PITPNC1: variants seen among roughly 807,000 people sequenced by gnomAD.
PITPNC1 encodes the protein cytoplasmic phosphatidylinositol transfer protein 1.
In PITPNC1, 18 loss-of-function variants were observed where a neutral mutation model predicts 44.7. The observed-to-expected ratio is 0.40, with a 90% CI of 0.28 to 0.60. The LOEUF (loss-of-function observed/expected upper bound fraction) is 0.60, where lower values mean the gene tolerates loss of function less well. Ranked by LOEUF, PITPNC1 falls within the 20% of genes least tolerant of loss-of-function variation. PITPNC1 has a pLI of 0.39. For synonymous variants in PITPNC1, 141 were observed against 149.6 expected (o/e 0.94, Z 0.42); for missense variants, 290 against 418.4 (o/e 0.69, Z 2.68).
At chr17:67,395,598 C>A (rs549695977) in intron 1 of PITPNC1, among the ~76,000 whole-genome samples, 3 of 152,280 alleles carry the variant, frequency 2.0e-5, no homozygotes, top group African/African-American at 2.4e-5. Flanking sequence ...TTTTCCCTGA[C>A]TTAAAATAAT....
intron 1 of PITPNC1, among the ~76,000 whole-genome samples, chr17:67,451,178 C>T (rs1240721497): frequency 1.3e-5 from 2 of 151,912 alleles, no homozygotes; most frequent in East Asian, 3.9e-4. Context: ...ACTACACGCG[C>T]GCGCCATCAC....
chr17:67,411,116 T>C (rs907033920), intron 1 of PITPNC1, among the ~76,000 whole-genome samples: 4 of 151,002 alleles, frequency 2.6e-5, no homozygotes, highest in Admixed American at 6.6e-5. Context: ...GTTTACAGAA[T>C]TGGGTATGAA....
intron 1 of PITPNC1, among the ~76,000 whole-genome samples, chr17:67,419,162 G>A (rs922978874): frequency 8.2e-6 from 1 of 121,440 alleles, no homozygotes; most frequent in Non-Finnish European, 1.8e-5. Flanking sequence ...GGGGGAGAAG[G>A]AGGAAGGGAG....
At chr17:67,383,103 C>G (rs1325091071) in intron 1 of PITPNC1, among the ~76,000 whole-genome samples, 1 of 151,942 alleles carries the variant, frequency 6.6e-6, no homozygotes, top group African/African-American at 2.4e-5. Context: ...TCAAGAGATT[C>G]TCCTGCCTCA....
intron 1 of PITPNC1, among the ~76,000 whole-genome samples, chr17:67,499,494 G>A (rs2040000078): frequency 6.6e-6 from 1 of 152,212 alleles, no homozygotes; most frequent in Admixed American, 6.5e-5. Context: ...TGGGATTATA[G>A]GCATGAGCCA....
In PITPNC1 at chr17:67,587,049, G is replaced by C. The variant is rs115898544; in HGVS notation, c.366+8792G>C. On this transcript the variant is annotated intron_variant, in intron 5 of 8. Transcript: ENST00000581322. ...ATCTCAGGCTTTCTAGCTCTGCCTAGTGGGCCTGGGTAAGTGGTGGTGCCA... is the reference window on the plus strand; with the variant it reads ...ATCTCAGGCTTTCTAGCTCTGCCTACTGGGCCTGGGTAAGTGGTGGTGCCA... Among the ~76,000 whole-genome samples the C allele has an allele frequency of 8.4e-3, 1,274 of 152,314 alleles. 16 individuals carry two copies. The highest frequency in any genetic ancestry group is 0.029 in the African/African-American group (1,208 of 41,566).
chr17:67,592,155 T>C (rs970062080), intron 5 of PITPNC1, among the ~76,000 whole-genome samples: 2 of 152,162 alleles, frequency 1.3e-5, no homozygotes, highest in Non-Finnish European at 2.9e-5. Flanking sequence ...AATAGAATAC[T>C]AAATAGTTAA....
At chr17:67,449,283 C>T (rs2039143475) in intron 1 of PITPNC1, among the ~76,000 whole-genome samples, 1 of 152,152 alleles carries the variant, frequency 6.6e-6, no homozygotes, top group Non-Finnish European at 1.5e-5. Flanking sequence ...GTTGGAAAGG[C>T]TCAGAGTTTG....
At chr17:67,417,977 C>T (rs1327213681) in intron 1 of PITPNC1, among the ~76,000 whole-genome samples, 1 of 152,132 alleles carries the variant, frequency 6.6e-6, no homozygotes, top group Non-Finnish European at 1.5e-5. Context: ...CCAGGAGGTC[C>T]AGGCTGCAGT....
intron 2 of PITPNC1, among the ~76,000 whole-genome samples, chr17:67,551,009 CGA>C (rs2040755064): frequency 6.6e-6 from 1 of 152,000 alleles, no homozygotes; most frequent in Non-Finnish European, 1.5e-5. Context: ...TGCAGTGAGC[CGA>C]GACTGCACCA....
In PITPNC1 at chr17:67,461,134, T is replaced by TG. The variant is rs1274155272; in HGVS notation, c.49-71666dup. 9.2e-5 allele frequency among the ~76,000 whole-genome samples: 14 copies of TG among 152,292 alleles called. No homozygotes were observed. In the South Asian group the frequency reaches 1.7e-3, roughly 18 times the overall value. On this transcript the variant is annotated intron_variant, in intron 1 of 8. Coordinates refer to ENST00000581322, the MANE Select transcript of PITPNC1 (RefSeq NM_012417.4). ...TTTTCTCTCCATCATACCTAGGCCA[T>TG]GGTCTGAAGGTTCTCCCTGCCTCCT...
chr17:67,380,214 A>G (rs1433720028), intron 1 of PITPNC1, among the ~76,000 whole-genome samples: 2 of 152,004 alleles, frequency 1.3e-5, no homozygotes, highest in Non-Finnish European at 2.9e-5. Flanking sequence ...AGCTGAGATT[A>G]CAGGTGCCTG....
chr17:67,419,205 CAG>C (rs1215178033), intron 1 of PITPNC1, among the ~76,000 whole-genome samples: 7 of 151,760 alleles, frequency 4.6e-5, no homozygotes, highest in Non-Finnish European at 7.4e-5. Flanking sequence ...AAAGATGCAA[CAG>C]GGGTTGGCAA....
At chr17:67,613,427 A>G (rs1437929449) in intron 5 of PITPNC1, 1 of 152,230 alleles carries the variant, frequency 6.6e-6, no homozygotes, top group Non-Finnish European at 1.5e-5. Context: ...GCATTTTATT[A>G]TAGATGTTCA....
chr17:67,574,074 A>C (rs1004992810), intron 4 of PITPNC1, among the ~76,000 whole-genome samples: 8 of 152,208 alleles, frequency 5.3e-5, no homozygotes, highest in African/African-American at 1.7e-4. Context: ...CTTACAAATA[A>C]TTTGTACTGT....
intron 1 of PITPNC1, among the ~76,000 whole-genome samples, chr17:67,527,005 G>T (rs1316858966): frequency 6.7e-6 from 1 of 148,400 alleles, no homozygotes; most frequent in Non-Finnish European, 1.5e-5. Flanking sequence ...AGTCATGATT[G>T]CCTGTAATGA....
At chr17:67,592,629 G>A (rs913282181) in intron 5 of PITPNC1, among the ~76,000 whole-genome samples, 15 of 152,194 alleles carry the variant, frequency 9.9e-5, no homozygotes, top group African/African-American at 3.6e-4. Flanking sequence ...AGAAATAAAC[G>A]TAAGCTGATC....
At chr17:67,656,787 A>T (rs920025416) in intron 6 of PITPNC1, among the ~76,000 whole-genome samples, 2 of 152,204 alleles carry the variant, frequency 1.3e-5, no homozygotes, top group African/African-American at 2.4e-5. Flanking sequence ...AAAATAAGGA[A>T]ACCTGGAAAT....
chr17:67,590,337 C>G (rs2041373583), intron 5 of PITPNC1, among the ~76,000 whole-genome samples: 1 of 152,202 alleles, frequency 6.6e-6, no homozygotes, highest in South Asian at 2.1e-4. Context: ...TTACACAGCA[C>G]TCTGACTATG....
Sources: gnomAD v4.1 joint callset for allele counts (sites outside exome capture counted in the v4.1 genomes callset) on GRCh38, gnomAD v4.1.1 for gene constraint, MANE v1.5 for transcripts, NCBI Gene and HGNC (gene_info 2026-07-23, HGNC 2026-07-21) for gene names.